The following DYNC1LI2 variants were observed in gnomAD, a reference collection of about 807,000 sequenced individuals.
DYNC1LI2 encodes the protein dynein cytoplasmic 1 light intermediate chain 2.
Under a neutral mutation model 57.8 loss-of-function variants are expected in DYNC1LI2, and 19 were observed. The observed-to-expected ratio is 0.33, with a 90% CI of 0.23 to 0.48. The LOEUF (loss-of-function observed/expected upper bound fraction) is 0.48. Among genes scored for constraint, DYNC1LI2 ranks in the 20% least tolerant of loss-of-function variants. The pLI is 0.99. For synonymous variants in DYNC1LI2, 256 were observed against 233.4 expected, an observed-to-expected ratio of 1.10 and a Z score of -0.88; for missense variants, 470 against 604.2, an observed-to-expected ratio of 0.78 and a Z score of 2.33.
intron 4 of DYNC1LI2, 93 bp from the exon 5 acceptor site, chr16:66,736,337 A>C (rs953360376): frequency 9.8e-6 from 14 of 1,431,154 alleles, no homozygotes; most frequent in Non-Finnish European, 1.3e-5. Flanking sequence ...ATAAGCACAA[A>C]ACACAGGCAG....
At chr16:66,730,564 T>C (rs1260342666) in intron 7 of DYNC1LI2, 3 of 179,262 alleles carry the variant, frequency 1.7e-5, no homozygotes, top group African/African-American at 2.4e-5. Flanking sequence ...CGACAGAGAA[T>C]AGGATGCAGA....
At chr16:66,736,510 GTTT>G (rs554412653) in intron 4 of DYNC1LI2, among the ~76,000 whole-genome samples, 1 of 151,442 alleles carries the variant, frequency 6.6e-6, no homozygotes, top group Non-Finnish European at 1.5e-5. Flanking sequence ...CCCTGAACAG[GTTT>G]TTTTTTCTTC....
At position 66,751,303 on chromosome 16, in the gene DYNC1LI2, G is replaced by A. The variant is rs2018046111; in HGVS notation, c.151C>T (p.Leu51=). The A allele has an allele frequency of 3.1e-6, 5 of 1,612,232 alleles. No homozygotes were observed. The highest frequency in any genetic ancestry group is 4.2e-6 in the Non-Finnish European group (5 of 1,179,178). The change falls in exon 2 of 13, where the codon CTG becomes TTG. Residue 51 remains leucine, a synonymous_variant. Transcript: ENST00000258198. The surrounding 1 kb of genome is among the most constrained non-coding windows in gnomAD (Gnocchi z 5.2). ...SEVSTRARSK[L]PSGKNILVFG... The stretch of plus-strand genomic sequence containing the variant: ...ACCAGGATGTTCTTGCCGGACGGCA[G>A]CTTGGACCTGGCGCGGGTGGACACT...
intron 3 of DYNC1LI2, among the ~76,000 whole-genome samples, chr16:66,746,004 G>C (rs749183972): frequency 1.4e-4 from 22 of 151,784 alleles, no homozygotes; most frequent in Non-Finnish European, 3.2e-4. Flanking sequence ...TAACTTTTTT[G>C]TATAAGCAAT....
At chr16:66,729,938 T>A (rs1380089089) in intron 8 of DYNC1LI2, among the ~76,000 whole-genome samples, 174 bp downstream of exon 8, 1 of 152,036 alleles carries the variant, frequency 6.6e-6, no homozygotes, top group Non-Finnish European at 1.5e-5. Context: ...CTTGCCACCA[T>A]ACCCAGCTAA....
chr16:66,732,533 T>C (rs2017656788), intron 6 of DYNC1LI2, 59 bp from the exon 7 acceptor site: 3 of 1,568,616 alleles, frequency 1.9e-6, no homozygotes, highest in East Asian at 2.2e-5. Context: ...ATCGAACACA[T>C]ACAACCTCAA....
Position 66,721,379 on chromosome 16 carries a change from T to C in DYNC1LI2, c.*2343A>G, listed in dbSNP as rs528832562. On this transcript the variant is annotated 3_prime_UTR_variant, in exon 13 of 13. Transcript: ENST00000258198. The stretch of plus-strand genomic sequence containing the variant: ...CAAAAAGCAGATGTAACCATTATAA[T>C]GTGCATAAATAGTCATAAAATTGTC... 3.9e-4 allele frequency: 59 copies of C among 152,722 alleles called. No individual in the cohort carries two copies. The allele number at this position is 152,722 out of a possible 1,614,324, so 9.5% of individuals were successfully genotyped here.
At chr16:66,726,563 G>A (rs2345389) in intron 11 of DYNC1LI2, among the ~76,000 whole-genome samples, 15 of 152,118 alleles carry the variant, frequency 9.9e-5, no homozygotes, top group African/African-American at 3.6e-4. Flanking sequence ...GGAGACCAAG[G>A]GCGTAGGACT....
chr16:66,735,990 A>G, intron 5 of DYNC1LI2, 85 bp downstream of exon 5: 1 of 1,524,270 alleles, frequency 6.6e-7, no homozygotes, highest in Non-Finnish European at 8.8e-7. Flanking sequence ...CCCTTGGGAA[A>G]AAAACGTCAA....
intron 4 of DYNC1LI2, among the ~76,000 whole-genome samples, chr16:66,737,490 CAA>C (rs754336347): frequency 2.4e-4 from 14 of 57,998 alleles, no homozygotes; most frequent in Non-Finnish European, 2.7e-4. Context: ...GACTCCGTCT[CAA>C]AAAAAAAAAA....
Position 66,751,141 on chromosome 16 carries a change from C to G in DYNC1LI2, c.181+132G>C, listed in dbSNP as rs991447968. The G allele has an allele frequency of 3.5e-5, 37 of 1,068,020 alleles. No individual in the cohort carries two copies. Among genetic ancestry groups the G allele is most frequent in the Non-Finnish European group, 4.6e-5 (35 of 756,094 alleles). The allele number at this position is 1,068,020 out of a possible 1,614,324, so 66.2% of individuals were successfully genotyped here. A position where few individuals can be genotyped will look rare whatever the true frequency, so the allele number is the denominator to read the frequency against. ...GCTTGACCACTCTCCAGCTGACCGG[C>G]CAGGGCCGACGGTCCCTTTCCCGCC... On this transcript the variant is annotated intron_variant, in intron 2 of 12. Transcript: ENST00000258198. The surrounding 1 kb of genome is among the most constrained non-coding windows in gnomAD (Gnocchi z 5.2).
intron 4 of DYNC1LI2, among the ~76,000 whole-genome samples, chr16:66,739,563 T>C (rs1483700144): frequency 6.6e-6 from 1 of 152,014 alleles, no homozygotes; most frequent in Non-Finnish European, 1.5e-5. Flanking sequence ...TGCCTCCGAG[T>C]AGCCAGGACT....
chr16:66,747,939 C>A (rs548020556), intron 3 of DYNC1LI2, among the ~76,000 whole-genome samples: 62 of 152,122 alleles, frequency 4.1e-4, no homozygotes, highest in African/African-American at 1.4e-3. Flanking sequence ...CCAAAAAAAC[C>A]AACCAACCAA....
At chr16:66,737,490 C>CAAAAAAA (rs754336347) in intron 4 of DYNC1LI2, among the ~76,000 whole-genome samples, 3 of 58,008 alleles carry the variant, frequency 5.2e-5, no homozygotes, top group African/African-American at 1.0e-4. Flanking sequence ...GACTCCGTCT[C>CAAAAAAA]AAAAAAAAAA....
intron 11 of DYNC1LI2, 40 bp from the exon 12 acceptor site, chr16:66,725,984 T>C: frequency 1.3e-6 from 2 of 1,594,070 alleles, no homozygotes; most frequent in East Asian, 2.2e-5. Context: ...TCATATAAAC[T>C]GGAAGACTTA....
At position 66,751,234 on chromosome 16, in the gene DYNC1LI2, C is replaced by A. The variant is rs1427253978; in HGVS notation, c.181+39G>T. 6.2e-7 allele frequency: 1 copy of A among 1,602,532 alleles called. No homozygotes were observed. The highest frequency in any genetic ancestry group is 1.1e-5 in the South Asian group (1 of 89,698). ...AGGGAGGGGCGCCCGCCTCGCCCAC[C>A]CCAGCGACCTGGGGCAACGCCCCGC... On this transcript the variant is annotated intron_variant, in intron 2 of 12. Coordinates refer to ENST00000258198, the MANE Select transcript of DYNC1LI2 (RefSeq NM_006141.3). This position sits in a 1 kb window ranked among gnomAD's most constrained non-coding sequence, Gnocchi z 5.2.
intron 5 of DYNC1LI2, among the ~76,000 whole-genome samples, chr16:66,734,584 G>A (rs2144983808): frequency 6.6e-6 from 1 of 152,016 alleles, no homozygotes; most frequent in Middle Eastern, 3.4e-3. Context: ...CAGGAGGCAG[G>A]CCCGGTGTAC....
At chr16:66,737,567 T>C (rs190685602) in intron 4 of DYNC1LI2, among the ~76,000 whole-genome samples, 34 of 151,808 alleles carry the variant, frequency 2.2e-4, no homozygotes, top group Non-Finnish European at 4.1e-4. Context: ...CAGCTGAAGC[T>C]TGTCAGCACT....
chr16:66,727,195 G>A (rs1469926115), intron 11 of DYNC1LI2, among the ~76,000 whole-genome samples: 1 of 152,082 alleles, frequency 6.6e-6, no homozygotes, highest in Non-Finnish European at 1.5e-5. Flanking sequence ...TAGGATTATA[G>A]GCATGAGCCA....
Sources: gnomAD v4.1 joint callset for allele counts (sites outside exome capture counted in the v4.1 genomes callset) on GRCh38, gnomAD v4.1.1 for gene constraint, Gnocchi (gnomAD v3.1) non-coding constraint, MANE v1.5 for transcripts, NCBI Gene and HGNC (gene_info 2026-07-23, HGNC 2026-07-21) for gene names.